Variants in ANKMY2 observed in about 807,000 individuals in gnomAD.
ANKMY2 encodes ankyrin repeat and MYND domain containing 2, also known as ankyrin repeat and MYND domain-containing protein 2.
ANKMY2 carries 36 observed loss-of-function variants against 50.4 expected under a neutral mutation model. The observed-to-expected ratio is 0.71, with a 90% CI of 0.55 to 0.94. The LOEUF is 0.94. Among genes scored for constraint, ANKMY2 ranks in the 40% least tolerant of loss-of-function variants. The pLI is 0.00. For synonymous variants in ANKMY2, 187 were observed against 178.8 expected, an observed-to-expected ratio of 1.05 and a Z score of -0.36; for missense variants, 565 against 524.0, an observed-to-expected ratio of 1.08 and a Z score of -0.76.
chr7:16,641,377 G>C (rs1781743010), intron 1 of ANKMY2, among the ~76,000 whole-genome samples: 1 of 152,142 alleles, frequency 6.6e-6, no homozygotes, highest in Non-Finnish European at 1.5e-5. Context: ...TCTTAAATTA[G>C]TATTACAGAG....
intron 4 of ANKMY2, among the ~76,000 whole-genome samples, chr7:16,619,339 A>T (rs1244861493): frequency 6.6e-6 from 1 of 152,064 alleles, no homozygotes; most frequent in East Asian, 1.9e-4. Flanking sequence ...TTTTTAGTAG[A>T]GGCGGGGTTT....
At chr7:16,641,505 A>T (rs1781745167) in intron 1 of ANKMY2, among the ~76,000 whole-genome samples, 1 of 152,090 alleles carries the variant, frequency 6.6e-6, no homozygotes, top group Admixed American at 6.6e-5. Context: ...ATATATTTTA[A>T]TTTTTTCTTT....
At chr7:16,631,892 G>A (rs1356980806) in intron 2 of ANKMY2, among the ~76,000 whole-genome samples, 3 of 152,278 alleles carry the variant, frequency 2.0e-5, no homozygotes, top group African/African-American at 7.2e-5. Flanking sequence ...TGAGATTACA[G>A]GCGTGAGGCA....
At chr7:16,621,563 C>A (rs140178994) in intron 4 of ANKMY2, among the ~76,000 whole-genome samples, 2 of 152,020 alleles carry the variant, frequency 1.3e-5, no homozygotes, top group Non-Finnish European at 2.9e-5. Context: ...CCAAAAAAAT[C>A]ATAAAAAATA....
chr7:16,602,302 C>T (rs755463501), intron 9 of ANKMY2, 78 bp downstream of exon 9: 22 of 1,518,406 alleles, frequency 1.4e-5, no homozygotes, highest in Non-Finnish European at 1.8e-5. Flanking sequence ...AGAGAAGACG[C>T]AGTTTCAGTG....
intron 4 of ANKMY2, among the ~76,000 whole-genome samples, chr7:16,619,783 T>C (rs1393257838): frequency 6.6e-6 from 1 of 152,206 alleles, no homozygotes; most frequent in African/African-American, 2.4e-5. Flanking sequence ...ATCACTAGAT[T>C]TGAGTCCTCT....
chr7:16,602,308 C>G (rs537965997), intron 9 of ANKMY2, 72 bp downstream of exon 9: 2 of 1,538,660 alleles, frequency 1.3e-6, no homozygotes, highest in African/African-American at 1.4e-5. Context: ...GACGCAGTTT[C>G]AGTGTGTTAA....
At chr7:16,601,071 G>A (rs1156737690) in intron 9 of ANKMY2, 126 bp from the exon 10 acceptor site, 15 of 645,398 alleles carry the variant, frequency 2.3e-5, no homozygotes, top group Admixed American at 4.3e-5. Context: ...TACTGTCATC[G>A]CTAACGTTAT....
intron 4 of ANKMY2, among the ~76,000 whole-genome samples, chr7:16,624,547 G>C (rs1364240216): frequency 2.0e-5 from 3 of 152,164 alleles, no homozygotes; most frequent in African/African-American, 7.2e-5. Flanking sequence ...GAAAGTTCAA[G>C]TCTATCACCT....
In ANKMY2 at chr7:16,602,478, G is replaced by C; in HGVS notation, c.1043C>G (p.Thr348Arg). 1.9e-6 allele frequency: 3 copies of C among 1,613,488 alleles called. No homozygotes were observed. Among genetic ancestry groups the C allele is most frequent in the Non-Finnish European group, 2.5e-6 (3 of 1,179,852 alleles). The stretch of plus-strand genomic sequence containing the variant: ...GATTTTCTTATGAGTAAACCAGTGT[G>C]TTTTCTGGCAGGTTTGATCACAATA... ...VIYCDQTCQK[T>R]HWFTHKKICK... is the part of the protein sequence containing the mutation. Residue 348 changes from threonine (T) to arginine (R), a missense_variant, in exon 9 of 10, where the codon ACA (threonine) becomes AGA (arginine). Thr to Arg is a moderately conservative substitution (Grantham distance 71). Transcript: ENST00000306999.
intron 1 of ANKMY2, among the ~76,000 whole-genome samples, chr7:16,645,223 G>A (rs1465156329): frequency 6.6e-6 from 1 of 152,154 alleles, no homozygotes; most frequent in Non-Finnish European, 1.5e-5. Flanking sequence ...CGGGAAGCTC[G>A]CATTAACCTA....
intron 7 of ANKMY2, among the ~76,000 whole-genome samples, chr7:16,606,415 CAAG>C (rs1781162729): frequency 1.5e-5 from 2 of 132,042 alleles, no homozygotes; most frequent in East Asian, 4.6e-4. Flanking sequence ...GGTGACAGTG[CAAG>C]ACCTTGTATT....
At chr7:16,636,763 T>G (rs1303709763) in intron 1 of ANKMY2, among the ~76,000 whole-genome samples, 1 of 151,592 alleles carries the variant, frequency 6.6e-6, no homozygotes, top group African/African-American at 2.4e-5. Context: ...GACTTAATAC[T>G]GAAAAAAAAT....
intron 4 of ANKMY2, among the ~76,000 whole-genome samples, chr7:16,623,297 A>G (rs534907291): frequency 2.0e-4 from 31 of 152,338 alleles, no homozygotes; most frequent in African/African-American, 7.0e-4. Flanking sequence ...TCAGTTAAAT[A>G]TATTAAAATG....
chr7:16,600,645 T>A lies in ANKMY2; in HGVS notation c.*116A>T. On this transcript the variant is annotated 3_prime_UTR_variant, in exon 10 of 10. Transcript: ENST00000306999. ...GCTTGAAAACCTGTATTCTATGAAA[T>A]GTGGAATCCTGCCATGGTGCCACGC... 1.2e-6 allele frequency: 1 copy of A among 832,838 alleles called. No individual in the cohort carries two copies. The allele number at this position is 832,838 out of a possible 1,614,324, so 51.6% of individuals were successfully genotyped here.
rs1337598149 is a variant in ANKMY2 at position 16,600,476 on chromosome 7, T to C, written c.*285A>G. ...TTCTTTAAGGGGATCTATTTTCCTT[T>C]GAAACAATTGCTGGAAAGCCAGCCT... On this transcript the variant is annotated 3_prime_UTR_variant, in exon 10 of 10. Transcript: ENST00000306999. 1.2e-5 allele frequency: 3 copies of C among 242,652 alleles called. No homozygotes were observed. The highest frequency in any genetic ancestry group is 1.5e-4 in the East Asian group (2 of 13,170). The allele number at this position is 242,652 out of a possible 1,614,324, so 15.0% of individuals were successfully genotyped here. A position where few individuals can be genotyped will look rare whatever the true frequency, so the allele number is the denominator to read the frequency against.
At chr7:16,603,400 T>G (rs774004274) in intron 8 of ANKMY2, 6 of 328,894 alleles carry the variant, frequency 1.8e-5, no homozygotes, top group Non-Finnish European at 3.6e-5. Context: ...AAAGAAGAAT[T>G]CTAACTGGAG....
chr7:16,643,441 C>T (rs1781772431), intron 1 of ANKMY2, among the ~76,000 whole-genome samples: 1 of 152,194 alleles, frequency 6.6e-6, no homozygotes, highest in African/African-American at 2.4e-5. Context: ...GTCCCACAGA[C>T]CTTCATTTGA....
intron 2 of ANKMY2, among the ~76,000 whole-genome samples, chr7:16,634,166 A>G (rs1294206985): frequency 1.3e-5 from 2 of 152,238 alleles, no homozygotes; most frequent in Non-Finnish European, 2.9e-5. Context: ...ATTTAAATTT[A>G]ACTTCTAATT....
Sources: gnomAD v4.1 joint callset for allele counts (sites outside exome capture counted in the v4.1 genomes callset) on GRCh38, gnomAD v4.1.1 for gene constraint, MANE v1.5 for transcripts, NCBI Gene and HGNC (gene_info 2026-07-23, HGNC 2026-07-21) for gene names.